NRG1: variants seen among roughly 807,000 people sequenced by gnomAD.
NRG1 encodes the protein pro-neuregulin-1, membrane-bound isoform.
NRG1 carries 18 observed loss-of-function variants against 63.8 expected under a neutral mutation model. The ratio of observed to expected loss-of-function variants is 0.28; its 90% CI spans 0.19 to 0.42. The LOEUF (loss-of-function observed/expected upper bound fraction) is 0.42. Among genes scored for constraint, NRG1 ranks in the 10% least tolerant of loss-of-function variants. The pLI, the probability that NRG1 is intolerant of heterozygous loss-of-function variation, is 1.00. For synonymous variants in NRG1, 302 were observed against 301.3 expected (o/e 1.00, Z -0.02); for missense variants, 762 against 814.7 (o/e 0.94, Z 0.79).
intron 1 of NRG1, among the ~76,000 whole-genome samples, chr8:32,186,834 G>A (rs377403293): frequency 7.2e-5 from 11 of 152,296 alleles, no homozygotes; most frequent in South Asian, 2.1e-4. Context: ...TCCCAGCCCA[G>A]CCTCTCTGCC....
intron 5 of NRG1, among the ~76,000 whole-genome samples, chr8:32,706,466 G>T (rs909593196): frequency 6.6e-5 from 10 of 152,148 alleles, no homozygotes; most frequent in African/African-American, 2.4e-4. Flanking sequence ...TTTGGCAGGG[G>T]CTTGCTGTCC....
At chr8:32,106,761 T>A (rs1013234330) in intron 1 of NRG1, among the ~76,000 whole-genome samples, 1 of 152,182 alleles carries the variant, frequency 6.6e-6, no homozygotes, top group African/African-American at 2.4e-5. Flanking sequence ...TTAAAAAAAA[T>A]GGAACTGGGC....
At chr8:32,042,560 C>A (rs1820238625) in intron 1 of NRG1, among the ~76,000 whole-genome samples, 2 of 152,004 alleles carry the variant, frequency 1.3e-5, no homozygotes, top group Non-Finnish European at 2.9e-5. Context: ...CATGGGAAAT[C>A]CAACCTACAT....
intron 1 of NRG1, among the ~76,000 whole-genome samples, chr8:31,849,575 C>T (rs1002461055): frequency 5.3e-5 from 8 of 152,144 alleles, no homozygotes; most frequent in Non-Finnish European, 1.2e-4. Context: ...ATGAGAAAGC[C>T]ACAATGAACT....
intron 1 of NRG1, among the ~76,000 whole-genome samples, chr8:32,007,315 T>C (rs1217931711): frequency 6.6e-6 from 1 of 152,086 alleles, no homozygotes; most frequent in Non-Finnish European, 1.5e-5. Context: ...CTGACCTTCA[T>C]ATTTTAATTG....
chr8:31,955,070 ATTAT>A (rs1181344546), intron 1 of NRG1, among the ~76,000 whole-genome samples: 2 of 152,184 alleles, frequency 1.3e-5, no homozygotes, highest in Admixed American at 6.5e-5. Flanking sequence ...ATGTTTTTAA[ATTAT>A]TTAGTTGATA....
chr8:32,594,783 C>A (rs542551317), intron 1 of NRG1, among the ~76,000 whole-genome samples: 29 of 152,166 alleles, frequency 1.9e-4, no homozygotes, highest in Non-Finnish European at 4.1e-4. Context: ...TTTAGATGCA[C>A]TAAATCCAAT....
intron 1 of NRG1, among the ~76,000 whole-genome samples, chr8:31,763,722 G>A (rs967795988): frequency 2.6e-5 from 4 of 152,156 alleles, no homozygotes; most frequent in Non-Finnish European, 5.9e-5. Context: ...AGGCCGAGGC[G>A]GGCAGATCAC....
At chr8:31,736,331 G>T (rs966839039) in intron 1 of NRG1, among the ~76,000 whole-genome samples, 6 of 152,040 alleles carry the variant, frequency 3.9e-5, no homozygotes, top group African/African-American at 1.2e-4. Context: ...TTCTCAGTGA[G>T]GCCTTCGCTG....
At chr8:32,315,869 A>G (rs1586784916) in intron 1 of NRG1, among the ~76,000 whole-genome samples, 1 of 147,864 alleles carries the variant, frequency 6.8e-6, no homozygotes, top group African/African-American at 2.7e-5. Flanking sequence ...CATTGGGCCA[A>G]ATGCTTTGTA....
intron 1 of NRG1, among the ~76,000 whole-genome samples, chr8:31,705,558 T>C (rs1028873375): frequency 2.6e-5 from 4 of 152,184 alleles, no homozygotes; most frequent in Admixed American, 2.6e-4. Context: ...TTGTAGATAA[T>C]TAATGTTGTG....
intron 1 of NRG1, among the ~76,000 whole-genome samples, chr8:32,016,777 G>GA (rs949538812): frequency 1.3e-5 from 2 of 151,938 alleles, no homozygotes; most frequent in African/African-American, 4.8e-5. Context: ...TAGAAAACAT[G>GA]AAAAAAAATT....
At chr8:32,306,716 A>C (rs897169331) in intron 1 of NRG1, among the ~76,000 whole-genome samples, 1 of 152,220 alleles carries the variant, frequency 6.6e-6, no homozygotes, top group African/African-American at 2.4e-5. Context: ...CCAGTAATGG[A>C]GAAAGGAGGA....
At chr8:32,648,357 A>T in intron 5 of NRG1, 1 of 1,614,086 alleles carries the variant, frequency 6.2e-7, no homozygotes, top group Non-Finnish European at 8.5e-7. Flanking sequence ...AACAACAGAA[A>T]CTAATCTCCA....
chr8:31,762,998 A>T (rs913088829), intron 1 of NRG1, among the ~76,000 whole-genome samples: 2 of 152,186 alleles, frequency 1.3e-5, no homozygotes, highest in Non-Finnish European at 2.9e-5. Context: ...TTACCAGGGA[A>T]TGCAAGGTTA....
intron 1 of NRG1, among the ~76,000 whole-genome samples, chr8:32,489,787 T>G (rs1231337565): frequency 6.6e-6 from 1 of 152,206 alleles, no homozygotes; most frequent in Admixed American, 6.5e-5. Context: ...ATCCAAAATG[T>G]TGTCATCACC....
chr8:31,790,180 G>A (rs1261291094), intron 1 of NRG1, among the ~76,000 whole-genome samples: 4 of 152,158 alleles, frequency 2.6e-5, no homozygotes, highest in Non-Finnish European at 5.9e-5. Flanking sequence ...AATAAGAAAG[G>A]ATGGGTAAAA....
intron 1 of NRG1, among the ~76,000 whole-genome samples, chr8:32,248,028 T>A (rs1445102868): frequency 2.6e-5 from 4 of 152,096 alleles, no homozygotes; most frequent in Non-Finnish European, 4.4e-5. Context: ...GCAAAGTTTG[T>A]TTCCCACAAG....
intron 7 of NRG1, among the ~76,000 whole-genome samples, chr8:32,773,624 C>T (rs893201547): frequency 6.6e-6 from 1 of 152,178 alleles, no homozygotes; most frequent in African/African-American, 2.4e-5. Flanking sequence ...CTCACTGCTT[C>T]GGCTCTTGTT....
Sources: allele counts gnomAD v4.1 joint callset (sites outside exome capture counted in the v4.1 genomes callset), GRCh38; gene constraint gnomAD v4.1.1; transcripts MANE v1.5; gene names NCBI Gene and HGNC (gene_info 2026-07-23, HGNC 2026-07-21).